MACROD2: variants seen among roughly 807,000 people sequenced by gnomAD.
MACROD2 encodes mono-ADP ribosylhydrolase 2.
Under a neutral mutation model 70.4 loss-of-function variants are expected in MACROD2, and 36 were observed. The ratio of observed to expected loss-of-function variants is 0.51; its 90% CI spans 0.39 to 0.68. MACROD2 has a LOEUF of 0.68. Among genes scored for constraint, MACROD2 ranks in the 30% least tolerant of loss-of-function variants. The pLI is 0.00. For missense variants in MACROD2, 496 were observed against 538.4 expected (o/e 0.92, Z 0.78); for synonymous variants, 172 against 178.8 (o/e 0.96, Z 0.30).
intron 5 of MACROD2, among the ~76,000 whole-genome samples, chr20:14,822,367 T>C (rs1008264148): frequency 6.6e-6 from 1 of 152,088 alleles, no homozygotes; most frequent in East Asian, 1.9e-4. Flanking sequence ...TTAAACCTTG[T>C]GGGTATCATT....
chr20:15,870,150 C>T (rs973734356), intron 9 of MACROD2, among the ~76,000 whole-genome samples: 1 of 151,782 alleles, frequency 6.6e-6, no homozygotes, highest in African/African-American at 2.4e-5. Flanking sequence ...ATATATCTTT[C>T]GTTTATTTTC....
intron 7 of MACROD2, among the ~76,000 whole-genome samples, chr20:15,431,989 T>C (rs2046369011): frequency 6.6e-6 from 1 of 152,042 alleles, no homozygotes; most frequent in South Asian, 2.1e-4. Flanking sequence ...GGAAGCAAAA[T>C]GTTTCTTAAT....
chr20:15,645,633 C>T lies in MACROD2; in HGVS notation c.645+145786C>T, dbSNP rs561804497. Among the ~76,000 whole-genome samples the T allele has an allele frequency of 2.5e-4, 38 of 152,092 alleles. No individual in the cohort carries two copies. The South Asian group carries it at 6.4e-3, about 26-fold the overall frequency. On this transcript the variant is annotated intron_variant, in intron 8 of 17. Coordinates refer to ENST00000684519, the MANE Select transcript of MACROD2 (RefSeq NM_001351661.2). ...ATTGTATTTTAAAAGATATTGTTAT[C>T]GGGGTAAAATAGGTGGGAAGAAACC...
intron 6 of MACROD2, among the ~76,000 whole-genome samples, chr20:15,266,207 C>T (rs1326964363): frequency 6.6e-6 from 1 of 152,124 alleles, no homozygotes; most frequent in African/African-American, 2.4e-5. Context: ...CTTTAGTAAA[C>T]ACAGTACTAC....
At chr20:14,479,047 A>T (rs1344646171) in intron 3 of MACROD2, among the ~76,000 whole-genome samples, 5 of 151,852 alleles carry the variant, frequency 3.3e-5, no homozygotes, top group African/African-American at 1.2e-4. Flanking sequence ...CACCTCCCTC[A>T]CCAGCATCTC....
At position 14,191,197 on chromosome 20, in the gene MACROD2, T is replaced by A. The variant is rs985952110; in HGVS notation, c.271+105469T>A. Among the ~76,000 whole-genome samples the A allele has an allele frequency of 1.4e-4, 22 of 152,276 alleles. No homozygotes were observed. The East Asian group carries it at 3.5e-3, about 24-fold the overall frequency. On this transcript the variant is annotated intron_variant, in intron 3 of 17. Transcript: ENST00000684519. ...TTACTTGTGTTCTTCCTGCCATATT[T>A]TTTACTCCTGTTGCCCTCAGACACA...
intron 8 of MACROD2, among the ~76,000 whole-genome samples, chr20:15,845,331 C>T (rs575965041): frequency 1.2e-4 from 19 of 152,240 alleles, no homozygotes; most frequent in South Asian, 6.2e-4. Context: ...CCACTTCAAA[C>T]GCACAACTCA....
chr20:15,515,643 A>C (rs573935793), intron 8 of MACROD2, among the ~76,000 whole-genome samples: 108 of 152,340 alleles, frequency 7.1e-4, no homozygotes, highest in African/African-American at 2.5e-3. Flanking sequence ...AAAAGCTTTG[A>C]CAAAAATGCA....
Position 14,454,779 on chromosome 20 carries a change from G to C in MACROD2, c.272-38700G>C, listed in dbSNP as rs541534479. ...TTTTTTTTTTTTTTTTTGAGACGGA[G>C]TCTTGCTCTGTCGCCCAGGCTGGAG... On this transcript the variant is annotated intron_variant, in intron 3 of 17. Coordinates refer to ENST00000684519, the MANE Select transcript of MACROD2 (RefSeq NM_001351661.2). 5.9e-5 allele frequency among the ~76,000 whole-genome samples: 7 copies of C among 118,030 alleles called. No individual in the cohort carries two copies. In the East Asian group the frequency reaches 1.6e-3, roughly 27 times the overall value. The allele number at this position is 118,030 out of a possible 152,430, so 77.4% of individuals were successfully genotyped here. A position where few individuals can be genotyped will look rare whatever the true frequency, so the allele number is the denominator to read the frequency against.
intron 5 of MACROD2, among the ~76,000 whole-genome samples, chr20:14,793,819 G>A (rs982611052): frequency 1.8e-4 from 27 of 152,138 alleles, no homozygotes; most frequent in Admixed American, 1.4e-3. Flanking sequence ...GAATTGCACC[G>A]ACAGTGCCAA....
At chr20:15,931,037 G>A (rs961322367) in intron 10 of MACROD2, among the ~76,000 whole-genome samples, 3 of 152,172 alleles carry the variant, frequency 2.0e-5, no homozygotes, top group Non-Finnish European at 4.4e-5. Flanking sequence ...ATTGTGAAAT[G>A]TGTTAAAAGG....
At chr20:14,357,682 C>CAG (rs2083185769) in intron 3 of MACROD2, among the ~76,000 whole-genome samples, 1 of 152,216 alleles carries the variant, frequency 6.6e-6, no homozygotes, top group East Asian at 1.9e-4. Context: ...CTGGCTTCTC[C>CAG]TTAGAACTCT....
At chr20:14,684,599 T>C (rs1204852814) in intron 4 of MACROD2, among the ~76,000 whole-genome samples, 1 of 151,816 alleles carries the variant, frequency 6.6e-6, no homozygotes, top group Non-Finnish European at 1.5e-5. Context: ...GTTGTTTAAC[T>C]AGCACACAAC....
chr20:15,736,802 C>G (rs1437968800), intron 8 of MACROD2, among the ~76,000 whole-genome samples: 1 of 152,172 alleles, frequency 6.6e-6, no homozygotes, highest in African/African-American at 2.4e-5. Context: ...ACAAGACCTA[C>G]TGTGGGACTT....
intron 2 of MACROD2, among the ~76,000 whole-genome samples, chr20:14,080,733 C>T (rs763380192): frequency 6.6e-6 from 1 of 151,936 alleles, no homozygotes; most frequent in Non-Finnish European, 1.5e-5. Flanking sequence ...GGACTGGATC[C>T]TGCCATCTTA....
At chr20:14,734,153 T>A (rs1399346394) in intron 5 of MACROD2, among the ~76,000 whole-genome samples, 1 of 152,216 alleles carries the variant, frequency 6.6e-6, no homozygotes, top group Non-Finnish European at 1.5e-5. Flanking sequence ...CCACCCTTTT[T>A]TTCAGCCAAG....
intron 3 of MACROD2, chr20:14,352,447 C>G (rs2083132269): frequency 1.3e-5 from 2 of 152,246 alleles, no homozygotes; most frequent in South Asian, 4.1e-4. Flanking sequence ...ATACTCCTAA[C>G]TAAATCTTTA....
chr20:15,646,562 C>T (rs2049545987), intron 8 of MACROD2, among the ~76,000 whole-genome samples: 1 of 152,144 alleles, frequency 6.6e-6, no homozygotes, highest in Non-Finnish European at 1.5e-5. Context: ...TTTGTGTCTC[C>T]ACCCAAATCT....
intron 7 of MACROD2, among the ~76,000 whole-genome samples, chr20:15,454,864 G>A (rs982582625): frequency 9.9e-5 from 15 of 152,256 alleles, no homozygotes; most frequent in Non-Finnish European, 2.1e-4. Context: ...CCTAGCTGTG[G>A]AGAGGAATTG....
Sources: gnomAD v4.1 joint callset for allele counts (sites outside exome capture counted in the v4.1 genomes callset) on GRCh38, gnomAD v4.1.1 for gene constraint, MANE v1.5 for transcripts, NCBI Gene and HGNC (gene_info 2026-07-23, HGNC 2026-07-21) for gene names.